The following RELN variants were observed in gnomAD, a reference collection of about 807,000 sequenced individuals.
The protein encoded by RELN is reelin.
In RELN, 108 loss-of-function variants were observed where a neutral mutation model predicts 427.6. The observed-to-expected ratio is 0.25, with a 90% CI of 0.22 to 0.30. The LOEUF is 0.30. RELN is among the 10% of genes least tolerant of loss of function. The pLI is 1.00. For synonymous variants in RELN, 1,524 were observed against 1,513.4 expected, an observed-to-expected ratio of 1.01 and a Z score of -0.16; for missense variants, 3,715 against 4,302.8, an observed-to-expected ratio of 0.86 and a Z score of 3.82.
chr7:103,731,662 T>C (rs907107148), intron 6 of RELN, among the ~76,000 whole-genome samples: 1 of 151,988 alleles, frequency 6.6e-6, no homozygotes, highest in African/African-American at 2.4e-5. Flanking sequence ...TAGCAAATTA[T>C]GGGCTGGAGG....
Position 103,589,531 on chromosome 7 carries a change from G to A in RELN, c.4145+65C>T. On this transcript the variant is annotated intron_variant, in intron 28 of 64. Transcript: ENST00000428762. Reference sequence around the variant, plus strand: ...TGATCTTTCAGGATTACAACATTTAGGGTTATAGCATTTGGGACTGTGTCT... The same window carrying A: ...TGATCTTTCAGGATTACAACATTTAAGGTTATAGCATTTGGGACTGTGTCT... 2.9e-6 allele frequency: 3 copies of A among 1,030,402 alleles called. No homozygotes were observed. In the South Asian group the frequency reaches 3.8e-5, roughly 13 times the overall value. 63.8% of individuals were successfully genotyped at this position (1,030,402 alleles called of 1,614,324 possible). A position where few individuals can be genotyped will look rare whatever the true frequency, so the allele number is the denominator to read the frequency against.
Position 103,491,986 on chromosome 7 carries a change from T to G in RELN, c.9410A>C (p.His3137Pro). The change falls in exon 58 of 65, where the codon CAT (histidine) becomes CCT (proline). Residue 3137 changes from histidine to proline, a missense_variant. Coordinates refer to ENST00000428762, the MANE Select transcript of RELN (RefSeq NM_005045.4). ...GCEATSCGDL[H>P]SVMLEYTKDA... ...CTTAGTGTATTCCAGCATTACGGAA[T>G]GAAGGTCACCACAAGAAGTGGCTTC... The G allele has an allele frequency of 6.2e-7, 1 of 1,613,592 alleles. No homozygotes were observed. Among genetic ancestry groups the G allele is most frequent in the Middle Eastern group, 1.7e-4 (1 of 6,060 alleles).
chr7:103,969,097 A>C (rs991188831), intron 1 of RELN, among the ~76,000 whole-genome samples: 1 of 152,138 alleles, frequency 6.6e-6, no homozygotes, highest in African/African-American at 2.4e-5. Flanking sequence ...TCTGGTGTGA[A>C]TATTCCAACT....
At chr7:103,576,121 C>T (rs1169039133) in intron 28 of RELN, among the ~76,000 whole-genome samples, 1 of 152,280 alleles carries the variant, frequency 6.6e-6, no homozygotes, top group African/African-American at 2.4e-5. Context: ...GTCCCAGCTA[C>T]TTGGGAGGCT....
intron 6 of RELN, among the ~76,000 whole-genome samples, chr7:103,730,407 A>C (rs73178001): frequency 0.045 from 6,811 of 152,028 alleles, 205 homozygotes; most frequent in Middle Eastern, 0.17. Flanking sequence ...TACAGCCTGG[A>C]ATTAGAGAAC....
chr7:103,727,991 G>C (rs1302233759), intron 7 of RELN, 120 bp downstream of exon 7: 8 of 866,070 alleles, frequency 9.2e-6, no homozygotes, highest in African/African-American at 3.3e-5. Flanking sequence ...ATTTGTAATA[G>C]GACTCATAAA....
chr7:103,897,394 T>C (rs1454619323), intron 2 of RELN, among the ~76,000 whole-genome samples: 2 of 152,106 alleles, frequency 1.3e-5, no homozygotes, highest in Non-Finnish European at 2.9e-5. Context: ...ACTGCTTGTG[T>C]GTTCGTCTTC....
intron 46 of RELN, among the ~76,000 whole-genome samples, chr7:103,528,933 C>G (rs915815559): frequency 6.6e-6 from 1 of 150,972 alleles, no homozygotes; most frequent in African/African-American, 2.4e-5. Flanking sequence ...GTCCAGAGAT[C>G]AAGACCATCC....
chr7:103,551,209 G>A lies in RELN; in HGVS notation c.6160C>T (p.Leu2054=), dbSNP rs1301196919. 1 of 1,614,148 alleles carries A rather than the reference G, an allele frequency of 6.2e-7. No homozygotes were observed. The part of the protein sequence containing the change: ...SRDFGATWHL[L]LPLCYHSSSH... Reference sequence around the variant, plus strand: ...CTGCTGTGGTAGCAGAGGGGCAGCAGAAGGTGCCAGGTCGCCCCGAAGTCC... The same window carrying A: ...CTGCTGTGGTAGCAGAGGGGCAGCAAAAGGTGCCAGGTCGCCCCGAAGTCC... The change falls in exon 41 of 65, where the codon CTG becomes TTG. Residue 2054 remains leucine (L), a synonymous_variant. Transcript: ENST00000428762.
In RELN at chr7:103,566,746, C is replaced by G; in HGVS notation, c.4602G>C (p.Gln1534His). Reference sequence around the variant, plus strand: ...AGAGTATCCCATTGTCATTTGAATACTGAACAATAAGCCCTGAGTTAAAAG... The same window carrying G: ...AGAGTATCCCATTGTCATTTGAATAGTGAACAATAAGCCCTGAGTTAAAAG... ...PRTRNEGLIV[Q>H]YSNDNGILWH... is the part of the protein sequence containing the mutation. The change falls in exon 32 of 65, where the codon CAG becomes CAC. Residue 1534 changes from glutamine (Q) to histidine (H), a missense_variant. Coordinates refer to ENST00000428762, the MANE Select transcript of RELN (RefSeq NM_005045.4). The G allele has an allele frequency of 6.2e-7, 1 of 1,613,994 alleles. No homozygotes were observed. The highest frequency in any genetic ancestry group is 8.5e-7 in the Non-Finnish European group (1 of 1,179,856).
chr7:103,920,371 T>C (rs1420616401), intron 1 of RELN, among the ~76,000 whole-genome samples: 2 of 152,196 alleles, frequency 1.3e-5, no homozygotes, highest in Non-Finnish European at 2.9e-5. Flanking sequence ...CTAACTGATA[T>C]CTAACTCAGA....
intron 3 of RELN, among the ~76,000 whole-genome samples, chr7:103,809,899 G>C (rs527824209): frequency 6.6e-6 from 1 of 152,196 alleles, no homozygotes; most frequent in East Asian, 1.9e-4. Flanking sequence ...ACATAACAGG[G>C]GAAGTGTGAC....
chr7:103,960,745 A>G (rs1796535755), intron 1 of RELN, among the ~76,000 whole-genome samples: 1 of 152,176 alleles, frequency 6.6e-6, no homozygotes, highest in Non-Finnish European at 1.5e-5. Flanking sequence ...ACATGTATTT[A>G]TTTGCTGTGA....
At position 103,486,342 on chromosome 7, in the gene RELN, C is replaced by T. The variant is rs1354755133; in HGVS notation, c.9838G>A (p.Glu3280Lys). ...CCTTGAATGGTCTCCCAGTTTGCCT[C>T]GGTGACTCTTGCGGACTCAAAATTA... ...KDNFESARVT[E>K]ANWETIQGGV... is the part of the protein sequence containing the mutation. Residue 3280 changes from glutamate to lysine, a missense_variant, in exon 61 of 65, where the codon GAG becomes AAG. Coordinates refer to ENST00000428762, the MANE Select transcript of RELN (RefSeq NM_005045.4). The T allele has an allele frequency of 6.2e-6, 10 of 1,613,986 alleles. No individual in the cohort carries two copies. The highest frequency in any genetic ancestry group is 4.0e-5 in the African/African-American group (3 of 74,896).
Position 103,778,075 on chromosome 7 carries a change from C to T in RELN, c.474-1448G>A, listed in dbSNP as rs551140220. On this transcript the variant is annotated intron_variant, in intron 3 of 64. Coordinates refer to ENST00000428762, the MANE Select transcript of RELN (RefSeq NM_005045.4). ...TATCAAAATTACACAAAAACAGATG[C>T]TACTATTCTTTTTAAATATTCACAT... 3.3e-5 allele frequency among the ~76,000 whole-genome samples: 5 copies of T among 152,300 alleles called. No homozygotes were observed. The East Asian group carries it at 9.6e-4, about 29-fold the overall frequency.
rs1417337451 is a variant in RELN at position 103,833,656 on chromosome 7, G to A, written c.354C>T (p.His118=). The stretch of plus-strand genomic sequence containing the variant: ...TGCACATAAACTGGTTACCAAACTG[G>A]TGGTCAGACATGATCCCTAAGAGAA... The part of the protein sequence containing the change: ...SAFGFGIMSD[H]QFGNQFMCSV... The change falls in exon 3 of 65, where the codon CAC becomes CAT. Residue 118 remains histidine (H), a synonymous_variant. Transcript: ENST00000428762. 3.1e-6 allele frequency: 5 copies of A among 1,613,806 alleles called. No homozygotes were observed. In the South Asian group the frequency reaches 5.5e-5, roughly 18 times the overall value.
intron 46 of RELN, among the ~76,000 whole-genome samples, chr7:103,524,589 A>G (rs2117097324): frequency 6.6e-6 from 1 of 152,282 alleles, no homozygotes; most frequent in South Asian, 2.1e-4. Context: ...AGAGGAAACC[A>G]TTTGTGTTTA....
At chr7:103,505,399 G>C (rs1829175641) in intron 51 of RELN, among the ~76,000 whole-genome samples, 1 of 152,164 alleles carries the variant, frequency 6.6e-6, no homozygotes, top group African/African-American at 2.4e-5. Flanking sequence ...CTGTTCTGTA[G>C]CCTCTGTTGG....
chr7:103,913,694 C>G (rs1047404296), intron 2 of RELN, among the ~76,000 whole-genome samples: 1 of 151,974 alleles, frequency 6.6e-6, no homozygotes, highest in Non-Finnish European at 1.5e-5. Flanking sequence ...AATTAATGTG[C>G]TTTTTTTCAA....
Sources: allele counts gnomAD v4.1 joint callset (sites outside exome capture counted in the v4.1 genomes callset), GRCh38; gene constraint gnomAD v4.1.1; transcripts MANE v1.5; gene names NCBI Gene and HGNC (gene_info 2026-07-23, HGNC 2026-07-21).